The following ANK2 variants were observed in gnomAD, a reference collection of about 807,000 sequenced individuals.
The protein encoded by ANK2 is ankyrin 2, also known as ankyrin-2.
A neutral mutation model predicts 360.5 loss-of-function variants in ANK2; 83 were observed. The ratio of observed to expected loss-of-function variants is 0.23; its 90% CI spans 0.19 to 0.28. The LOEUF (loss-of-function observed/expected upper bound fraction) is 0.28. Ranked by LOEUF, ANK2 falls within the 10% of genes least tolerant of loss-of-function variation. The probability of loss-of-function intolerance (pLI) is 1.00; values close to 1 mark genes in which losing one functional copy is unlikely to be tolerated. For synonymous variants in ANK2, 1,740 were observed against 1,759.5 expected (o/e 0.99, Z 0.28); for missense variants, 4,201 against 4,795.7 (o/e 0.88, Z 3.66).
At chr4:112,779,631 G>A in the ANK2 span, among the ~76,000 whole-genome samples, 7 of 152,116 alleles carry the variant, frequency 4.6e-5, no homozygotes, top group African/African-American at 1.7e-4. Context: ...ATGTATGAGA[G>A]GACTCCTCAG....
chr4:113,320,626 G>C (rs1422775504), intron 26 of ANK2, among the ~76,000 whole-genome samples: 1 of 152,126 alleles, frequency 6.6e-6, no homozygotes, highest in Non-Finnish European at 1.5e-5. Flanking sequence ...CTGCTCTCCA[G>C]CCTGGGTGAC....
chr4:113,126,177 G>A (rs1256627776), intron 1 of ANK2, among the ~76,000 whole-genome samples: 1 of 152,084 alleles, frequency 6.6e-6, no homozygotes, highest in East Asian at 1.9e-4. Context: ...ATAATACCAG[G>A]AGTTAGAAAT....
intron 1 of ANK2, among the ~76,000 whole-genome samples, chr4:113,160,794 G>A (rs536933882): frequency 4.6e-5 from 7 of 152,296 alleles, no homozygotes; most frequent in African/African-American, 1.7e-4. Context: ...CTAGCACAGT[G>A]CTATGCTTCT....
chr4:112,924,015 A>G (rs1327898064), intron 2 of ANK2, among the ~76,000 whole-genome samples: 1 of 152,238 alleles, frequency 6.6e-6, no homozygotes, highest in East Asian at 1.9e-4. Flanking sequence ...TTAATTAAAA[A>G]GGTGAAGATA....
At chr4:113,075,906 C>T (rs2079740841) in intron 1 of ANK2, among the ~76,000 whole-genome samples, 1 of 152,088 alleles carries the variant, frequency 6.6e-6, no homozygotes, top group South Asian at 2.1e-4. Flanking sequence ...ATCTGCTGTT[C>T]TCAAACTTTA....
intron 1 of ANK2, among the ~76,000 whole-genome samples, chr4:113,056,238 A>C (rs112925531): frequency 3.5e-4 from 54 of 152,298 alleles, no homozygotes; most frequent in African/African-American, 1.0e-3. Flanking sequence ...TTTAGCTCTA[A>C]TTATTCTCTT....
At chr4:112,814,899 G>C (rs1046953671), upstream of ANK2, among the ~76,000 whole-genome samples, 1 of 152,154 alleles carries the variant, frequency 6.6e-6, no homozygotes, top group Non-Finnish European at 1.5e-5. Context: ...AGTGGCAAAA[G>C]ATCACTGTAT....
intron 2 of ANK2, among the ~76,000 whole-genome samples, chr4:113,030,534 A>G (rs775862311): frequency 3.3e-5 from 5 of 152,098 alleles, no homozygotes; most frequent in African/African-American, 9.7e-5. Context: ...TAAAAATCCT[A>G]TACAGAAAAG....
At chr4:112,991,590 CT>C (rs112327540) in intron 2 of ANK2, among the ~76,000 whole-genome samples, 10,124 of 136,088 alleles carry the variant, frequency 0.074, 860 homozygotes, top group East Asian at 0.25. Context: ...TCAGAGCAAG[CT>C]TTTTTTTTTC....
intron 1 of ANK2, among the ~76,000 whole-genome samples, chr4:113,131,636 T>TTGTGGCA (rs1010121753): frequency 6.6e-6 from 1 of 152,220 alleles, no homozygotes; most frequent in African/African-American, 2.4e-5. Flanking sequence ...GTCTAAGTGA[T>TTGTGGCA]TGTGGCATGT....
At chr4:112,834,305 A>G (rs1488818403) in intron 1 of ANK2, among the ~76,000 whole-genome samples, 1 of 152,210 alleles carries the variant, frequency 6.6e-6, no homozygotes, top group East Asian at 1.9e-4. Flanking sequence ...ATCTTGAAAT[A>G]TTTATGACTG....
intron 1 of ANK2, among the ~76,000 whole-genome samples, chr4:113,126,231 G>C (rs750162375): frequency 2.0e-5 from 3 of 152,174 alleles, no homozygotes; most frequent in Admixed American, 6.6e-5. Context: ...ATTTTACAAA[G>C]ATCTGATGGC....
intron 24 of ANK2, chr4:113,313,766 C>A (rs1184315478): frequency 8.9e-6 from 1 of 111,794 alleles, no homozygotes; most frequent in Non-Finnish European, 1.7e-5. Context: ...ACTGCTAAAC[C>A]TGCGTGTGTG....
chr4:113,211,589 G>A (rs1399162305), intron 4 of ANK2, among the ~76,000 whole-genome samples: 1 of 152,080 alleles, frequency 6.6e-6, no homozygotes, highest in African/African-American at 2.4e-5. Flanking sequence ...CAAATATTTT[G>A]CTTTACTTGG....
intron 1 of ANK2, among the ~76,000 whole-genome samples, chr4:113,055,012 A>G (rs1352517372): frequency 6.6e-6 from 1 of 152,166 alleles, no homozygotes; most frequent in Non-Finnish European, 1.5e-5. Flanking sequence ...TTCACTTCTT[A>G]GGACCCACTT....
At chr4:112,987,042 C>CA (rs905880504) in intron 2 of ANK2, among the ~76,000 whole-genome samples, 7 of 151,992 alleles carry the variant, frequency 4.6e-5, no homozygotes, top group African/African-American at 9.7e-5. Flanking sequence ...AAAACACACA[C>CA]AAAAAAAATT....
chr4:112,959,724 A>T (rs1315897959), intron 2 of ANK2, among the ~76,000 whole-genome samples: 1 of 152,204 alleles, frequency 6.6e-6, no homozygotes, highest in Non-Finnish European at 1.5e-5. Context: ...GCTTCTATGG[A>T]AGTCTTGGCA....
chr4:113,153,463 A>G (rs2097166923), intron 1 of ANK2, among the ~76,000 whole-genome samples: 1 of 152,244 alleles, frequency 6.6e-6, no homozygotes, highest in South Asian at 2.1e-4. Flanking sequence ...CCAGAGTTAC[A>G]AAAGAAAAAG....
intron 1 of ANK2, among the ~76,000 whole-genome samples, chr4:112,838,870 AG>A (rs1348465881): frequency 6.6e-6 from 1 of 152,218 alleles, no homozygotes; most frequent in South Asian, 2.1e-4. Flanking sequence ...TATCTTTTCT[AG>A]TAACTCACAA....
Sources: allele counts gnomAD v4.1 joint callset (sites outside exome capture counted in the v4.1 genomes callset), GRCh38; gene constraint gnomAD v4.1.1; transcripts MANE v1.5; gene names NCBI Gene and HGNC (gene_info 2026-07-23, HGNC 2026-07-21).